Variants in CLMN observed in about 807,000 individuals in gnomAD.
CLMN encodes calmin.
Under a neutral mutation model 92.7 loss-of-function variants are expected in CLMN, and 57 were observed. The observed-to-expected ratio is 0.61, with a 90% CI of 0.50 to 0.77. The LOEUF is 0.77. Among genes scored for constraint, CLMN ranks in the 30% least tolerant of loss-of-function variants. The probability of loss-of-function intolerance (pLI) is 0.00; values close to 1 mark genes in which losing one functional copy is unlikely to be tolerated. For synonymous variants in CLMN, 466 were observed against 470.6 expected (o/e 0.99, Z 0.13); for missense variants, 1,158 against 1,237.5 (o/e 0.94, Z 0.96).
intron 12 of CLMN, chr14:95,193,094 G>A (rs1896599781): frequency 2.1e-6 from 1 of 478,986 alleles, no homozygotes; most frequent in Non-Finnish European, 3.7e-6. Context: ...TCCGATTCCA[G>A]TAATCTAAAT....
chr14:95,264,107 A>G (rs1899373289), intron 1 of CLMN, among the ~76,000 whole-genome samples: 1 of 151,888 alleles, frequency 6.6e-6, no homozygotes, highest in Non-Finnish European at 1.5e-5. Context: ...GCACCATCTC[A>G]GCTCACACTG....
chr14:95,199,808 G>A (rs527250809), intron 9 of CLMN, among the ~76,000 whole-genome samples: 2 of 152,114 alleles, frequency 1.3e-5, no homozygotes, highest in African/African-American at 4.8e-5. Context: ...CAGATGGTGG[G>A]ACCAGCCCAG....
chr14:95,239,148 A>G (rs932820907), intron 1 of CLMN, among the ~76,000 whole-genome samples: 2 of 152,362 alleles, frequency 1.3e-5, no homozygotes, highest in Non-Finnish European at 2.9e-5. Context: ...TGACAGGACC[A>G]ATCCAGGCAG....
Position 95,191,470 on chromosome 14 carries a change from G to T in CLMN, c.*94C>A. 1.0e-6 allele frequency: 1 copy of T among 978,030 alleles called. No individual in the cohort carries two copies. The highest frequency in any genetic ancestry group is 1.4e-6 in the Non-Finnish European group (1 of 694,530). The allele number at this position is 978,030 out of a possible 1,614,324, so 60.6% of individuals were successfully genotyped here. Reference sequence around the variant, plus strand: ...TAAGTTTCCTCGGAGGTCCTCAACTGTCTGTAGAAGTGCCCCACCCAGAAC... The same window carrying T: ...TAAGTTTCCTCGGAGGTCCTCAACTTTCTGTAGAAGTGCCCCACCCAGAAC... On this transcript the variant is annotated 3_prime_UTR_variant, in exon 13 of 13. Coordinates refer to ENST00000298912, the MANE Select transcript of CLMN (RefSeq NM_024734.4). This position sits in a 1 kb window ranked among gnomAD's most constrained non-coding sequence, Gnocchi z 5.3.
intron 12 of CLMN, chr14:95,193,245 G>T: frequency 2.0e-6 from 2 of 993,650 alleles, no homozygotes; most frequent in Non-Finnish European, 3.1e-6. Context: ...GGTTTCCTAT[G>T]TTTTAAATGG....
intron 1 of CLMN, among the ~76,000 whole-genome samples, chr14:95,281,821 T>G (rs915211654): frequency 3.9e-5 from 6 of 152,186 alleles, no homozygotes; most frequent in Non-Finnish European, 5.9e-5. Flanking sequence ...AAACACTTAT[T>G]AAATCTTCCA....
chr14:95,210,343 C>T (rs1474958708), intron 7 of CLMN, among the ~76,000 whole-genome samples: 8 of 152,146 alleles, frequency 5.3e-5, no homozygotes, highest in Non-Finnish European at 8.8e-5. Context: ...TGAGCCACCA[C>T]GCCCAGCCAC....
At chr14:95,216,387 A>G (rs1479893887) in intron 4 of CLMN, among the ~76,000 whole-genome samples, 6 of 152,240 alleles carry the variant, frequency 3.9e-5, no homozygotes, top group Non-Finnish European at 7.3e-5. Context: ...GCCAAACCAT[A>G]TCAGTAGGTA....
rs1035292357 is a variant in CLMN, at chr14:95,272,081, T to C, written c.83-41948A>G. The stretch of plus-strand genomic sequence containing the variant: ...CATGCATCTTGTCCCAGAGAAAATA[T>C]AAACATTTGAATGGAGAAAAGTGTG... On this transcript the variant is annotated intron_variant, in intron 1 of 12. Coordinates refer to ENST00000298912, the MANE Select transcript of CLMN (RefSeq NM_024734.4). Among the ~76,000 whole-genome samples, 44 of 152,226 alleles carry C rather than the reference T, an allele frequency of 2.9e-4. 1 individual carries two copies. The highest frequency in any genetic ancestry group is 9.9e-4 in the African/African-American group (41 of 41,464).
At chr14:95,254,012 C>T (rs888397122) in intron 1 of CLMN, among the ~76,000 whole-genome samples, 7 of 152,140 alleles carry the variant, frequency 4.6e-5, no homozygotes, top group African/African-American at 1.7e-4. Flanking sequence ...CACTGTGGGC[C>T]AATTCTACCC....
chr14:95,268,239 C>T (rs932380278), intron 1 of CLMN, among the ~76,000 whole-genome samples: 2 of 152,122 alleles, frequency 1.3e-5, no homozygotes, highest in African/African-American at 4.8e-5. Context: ...GATCATTATA[C>T]ATTATATGAA....
intron 1 of CLMN, among the ~76,000 whole-genome samples, chr14:95,314,453 C>T (rs527648762): frequency 5.3e-5 from 8 of 152,192 alleles, no homozygotes; most frequent in Admixed American, 3.9e-4. Flanking sequence ...GGAAGGCAGA[C>T]GGCTTTAGGT....
rs575542561 is a variant in CLMN at position 95,231,015 on chromosome 14, G to A, written c.83-882C>T. ...ATCCGCCAAGCACTCACTGCGTCCC[G>A]GACACTTTGTTTCCATTCATCTTTA... On this transcript the variant is annotated intron_variant, in intron 1 of 12. Transcript: ENST00000298912. Among the ~76,000 whole-genome samples, 7 of 151,972 alleles carry A rather than the reference G, an allele frequency of 4.6e-5. 1 individual carries two copies. The highest frequency in any genetic ancestry group is 2.1e-4 in the South Asian group (1 of 4,818).
intron 5 of CLMN, 91 bp downstream of exon 5, chr14:95,215,550 C>T (rs1897312450): frequency 2.8e-6 from 3 of 1,072,508 alleles, no homozygotes; most frequent in South Asian, 1.3e-5. Context: ...CTAAGCCTCA[C>T]TGCCTCCCTT....
chr14:95,256,942 A>G lies in CLMN; in HGVS notation c.83-26809T>C, dbSNP rs996346494. Among the ~76,000 whole-genome samples the G allele has an allele frequency of 6.6e-6, 1 of 152,194 alleles. No homozygotes were observed. The highest frequency in any genetic ancestry group is 2.4e-5 in the African/African-American group (1 of 41,454). On this transcript the variant is annotated intron_variant, in intron 1 of 12. Coordinates refer to ENST00000298912, the MANE Select transcript of CLMN (RefSeq NM_024734.4). The surrounding 1 kb of genome is among the most constrained non-coding windows in gnomAD (Gnocchi z 4.9). Reference sequence around the variant, plus strand: ...TCCATGTTGGGAACAGCAAGGGCAAAGGCTGGGTGGCATCTAATGATGAAT... The same window carrying G: ...TCCATGTTGGGAACAGCAAGGGCAAGGGCTGGGTGGCATCTAATGATGAAT...
rs1566891146 is a variant in CLMN at position 95,245,225 on chromosome 14, TTATATATATATATTATATATATATATATA to T, written c.83-15121_83-15093del. ...TATATATATTATATATATATATATA[TTATATATATATATTATATATATATATATA>T]ATATATATATATATATTATATATAT... is the stretch of plus-strand genomic sequence containing the variant. On this transcript the variant is annotated intron_variant, in intron 1 of 12. Transcript: ENST00000298912. Among the ~76,000 whole-genome samples the T allele has an allele frequency of 4.3e-3, 105 of 24,340 alleles. 3 individuals carry two copies. Among genetic ancestry groups the T allele is most frequent in the African/African-American group, 0.025 (93 of 3,694 alleles). The allele number at this position is 24,340 out of a possible 152,430, so 16.0% of individuals were successfully genotyped here.
rs1364819243 is a variant in CLMN, at chr14:95,229,815, C to T, written c.144+257G>A. Among the ~76,000 whole-genome samples the T allele has an allele frequency of 3.9e-5, 6 of 152,200 alleles. No homozygotes were observed. The South Asian group carries it at 1.2e-3, about 32-fold the overall frequency. ...AATAATGAACGTCTTCCACCATCTG[C>T]TCAGATTCCTACTTAAAGACAGACC... is the stretch of plus-strand genomic sequence containing the variant. On this transcript the variant is annotated intron_variant, in intron 2 of 12. Transcript: ENST00000298912.
rs925648740 is a variant in CLMN, at chr14:95,186,979, C to T, written c.*4585G>A. On this transcript the variant is annotated 3_prime_UTR_variant, in exon 13 of 13. Coordinates refer to ENST00000298912, the MANE Select transcript of CLMN (RefSeq NM_024734.4). ...TCTAAGATCATTTACTGACAATAGG[C>T]AGCAAAACCAGGGGGAAGGAAGGAA... 6.6e-6 allele frequency: 1 copy of T among 152,190 alleles called. No individual in the cohort carries two copies. Among genetic ancestry groups the T allele is most frequent in the Admixed American group, 6.5e-5 (1 of 15,284 alleles). The allele number at this position is 152,190 out of a possible 1,614,324, so 9.4% of individuals were successfully genotyped here.
At chr14:95,304,080 G>A (rs1197557476) in intron 1 of CLMN, among the ~76,000 whole-genome samples, 3 of 152,194 alleles carry the variant, frequency 2.0e-5, no homozygotes, top group African/African-American at 7.2e-5. Context: ...GCTCACACCT[G>A]TAATCCCAGC....
Sources: gnomAD v4.1 joint callset for allele counts (sites outside exome capture counted in the v4.1 genomes callset) on GRCh38, gnomAD v4.1.1 for gene constraint, Gnocchi (gnomAD v3.1) non-coding constraint, MANE v1.5 for transcripts, NCBI Gene and HGNC (gene_info 2026-07-23, HGNC 2026-07-21) for gene names.